Variants in FERMT2 observed in about 807,000 individuals in gnomAD.
The protein encoded by FERMT2 is FERM domain containing kindlin 2, also known as fermitin family homolog 2.
In FERMT2, 15 loss-of-function variants were observed where a neutral mutation model predicts 82.7. That is an observed-to-expected ratio of 0.18 (90% CI 0.12 to 0.28). The LOEUF is 0.28. FERMT2 is among the 10% of genes least tolerant of loss of function. The pLI is 1.00. For missense variants in FERMT2, 645 were observed against 809.4 expected (o/e 0.80, Z 2.46); for synonymous variants, 274 against 271.5 (o/e 1.01, Z -0.09).
At position 52,950,515 on chromosome 14, in the gene FERMT2, C is replaced by T; in HGVS notation, c.54G>A (p.Trp18Ter). The T allele has an allele frequency of 6.2e-7, 1 of 1,614,178 alleles. No individual in the cohort carries two copies. The highest frequency in any genetic ancestry group is 8.5e-7 in the Non-Finnish European group (1 of 1,180,006). ...GGTCCGTCACATGGACACTCAGTTC[C>T]CACGTCCCGTCCGCGTAGCAGCCAT... ...MPDGCYADGT[W>*]ELSVHVTDLN... The change falls in exon 2 of 15, where the codon TGG (tryptophan) becomes TGA (stop). Residue 18 changes from tryptophan to a stop codon, truncating the protein, a stop_gained. Coordinates refer to ENST00000341590, the MANE Select transcript of FERMT2 (RefSeq NM_006832.3). LOFTEE classifies it high-confidence loss of function.
chr14:52,909,854 A>G (rs1888214525), intron 3 of FERMT2, among the ~76,000 whole-genome samples: 1 of 152,104 alleles, frequency 6.6e-6, no homozygotes, highest in Non-Finnish European at 1.5e-5. Flanking sequence ...AGGGATCGAG[A>G]CCATCCTGGC....
chr14:52,950,371 C>A, intron 2 of FERMT2, 41 bp downstream of exon 2: 1 of 1,594,956 alleles, frequency 6.3e-7, no homozygotes. Context: ...CCTACCAATT[C>A]TGGGAAGTCA....
At chr14:52,867,875 G>A (rs557449355) in intron 10 of FERMT2, among the ~76,000 whole-genome samples, 12 of 152,050 alleles carry the variant, frequency 7.9e-5, no homozygotes, top group Admixed American at 1.3e-4. Context: ...AAGTCACCCA[G>A]ACTATTGACC....
chr14:52,886,148 A>C (rs1886589488), intron 4 of FERMT2, among the ~76,000 whole-genome samples: 1 of 152,232 alleles, frequency 6.6e-6, no homozygotes, highest in Non-Finnish European at 1.5e-5. Context: ...AAAATAACCG[A>C]GATACTACTT....
intron 3 of FERMT2, among the ~76,000 whole-genome samples, chr14:52,913,833 A>C (rs1354378975): frequency 6.6e-6 from 1 of 152,112 alleles, no homozygotes; most frequent in Non-Finnish European, 1.5e-5. Context: ...TGGAATGAAG[A>C]ATTAATGCAT....
intron 3 of FERMT2, among the ~76,000 whole-genome samples, chr14:52,904,734 T>G (rs935146093): frequency 7.2e-6 from 1 of 138,162 alleles, no homozygotes; most frequent in African/African-American, 2.7e-5. Flanking sequence ...CTGGGAAATA[T>G]GATGAGACCT....
At chr14:52,859,387 T>G in intron 14 of FERMT2, 186 bp downstream of exon 14, 2 of 519,592 alleles carry the variant, frequency 3.8e-6, no homozygotes, top group South Asian at 1.1e-4. Flanking sequence ...CACTTAGAAT[T>G]TTAGTAACTG....
chr14:52,859,598 C>T lies in FERMT2; in HGVS notation c.1844G>A (p.Trp615Ter). The change falls in exon 14 of 15, where the codon TGG becomes TAG. Residue 615 changes from tryptophan to a stop codon, truncating the protein, a stop_gained. Coordinates refer to ENST00000341590, the MANE Select transcript of FERMT2 (RefSeq NM_006832.3). LOFTEE classifies it high-confidence loss of function. ...KTWRFSNMKQ[W>*]NVNWEIKMVT... is the part of the protein sequence containing the mutation. ...CATTTTGATTTCCCAGTTGACATTC[C>T]ACTGTTTCATGTTGCTGAAACGCCA... The T allele has an allele frequency of 1.2e-6, 2 of 1,608,122 alleles. No homozygotes were observed. The highest frequency in any genetic ancestry group is 8.5e-7 in the Non-Finnish European group (1 of 1,176,772).
At chr14:52,893,224 C>A in intron 4 of FERMT2, 69 bp downstream of exon 4, 1 of 1,392,756 alleles carries the variant, frequency 7.2e-7, no homozygotes, top group South Asian at 1.7e-5. Context: ...CATTTACCCA[C>A]CACCAGAAAG....
At chr14:52,944,880 A>G (rs1890256685) in intron 2 of FERMT2, among the ~76,000 whole-genome samples, 3 of 152,198 alleles carry the variant, frequency 2.0e-5, no homozygotes, top group Admixed American at 1.3e-4. Context: ...CCACGTTCAG[A>G]AATATAATCC....
chr14:52,915,366 T>C (rs1356095357), intron 3 of FERMT2, among the ~76,000 whole-genome samples: 1 of 152,190 alleles, frequency 6.6e-6, no homozygotes, highest in Non-Finnish European at 1.5e-5. Flanking sequence ...CTCTATCAGA[T>C]ATAGAGATTT....
At chr14:52,936,024 C>A (rs945468668) in intron 2 of FERMT2, among the ~76,000 whole-genome samples, 4 of 152,160 alleles carry the variant, frequency 2.6e-5, no homozygotes, top group African/African-American at 9.7e-5. Flanking sequence ...ATCCTGAAGG[C>A]TGGCTTATTG....
chr14:52,866,433 C>T (rs1161352231), intron 10 of FERMT2, among the ~76,000 whole-genome samples: 1 of 152,184 alleles, frequency 6.6e-6, no homozygotes, highest in East Asian at 1.9e-4. Context: ...TCCCAACCAG[C>T]CTGGACCACA....
intron 2 of FERMT2, among the ~76,000 whole-genome samples, chr14:52,937,001 A>T (rs1329811369): frequency 6.6e-6 from 1 of 151,922 alleles, no homozygotes; most frequent in African/African-American, 2.4e-5. Flanking sequence ...CTAAAAAAAA[A>T]ATACAAAAAA....
intron 3 of FERMT2, among the ~76,000 whole-genome samples, chr14:52,908,057 A>G (rs1445019971): frequency 6.6e-6 from 1 of 152,216 alleles, no homozygotes; most frequent in Non-Finnish European, 1.5e-5. Flanking sequence ...CAGACACCTC[A>G]CCATTATATG....
intron 3 of FERMT2, among the ~76,000 whole-genome samples, chr14:52,912,831 G>A (rs1041252255): frequency 6.6e-6 from 1 of 152,012 alleles, no homozygotes; most frequent in African/African-American, 2.4e-5. Flanking sequence ...CTTTCCATTC[G>A]ATCCCAGTGA....
At chr14:52,916,269 G>A (rs193247384) in intron 3 of FERMT2, among the ~76,000 whole-genome samples, 11 of 151,864 alleles carry the variant, frequency 7.2e-5, no homozygotes, top group Admixed American at 3.9e-4. Flanking sequence ...GCTTGAACCC[G>A]GGAAGTGGAG....
chr14:52,913,712 GTAA>G (rs1459373639), intron 3 of FERMT2, among the ~76,000 whole-genome samples: 1 of 150,882 alleles, frequency 6.6e-6, no homozygotes, highest in Admixed American at 6.6e-5. Context: ...AGTAGTAGTA[GTAA>G]TGAAAGACCA....
At chr14:52,866,550 C>T (rs551894191) in intron 10 of FERMT2, among the ~76,000 whole-genome samples, 1 of 152,236 alleles carries the variant, frequency 6.6e-6, no homozygotes. Flanking sequence ...CTTTTCCTTG[C>T]CTATACTCAG....
Sources: allele counts gnomAD v4.1 joint callset (sites outside exome capture counted in the v4.1 genomes callset), GRCh38; gene constraint gnomAD v4.1.1; transcripts MANE v1.5; gene names NCBI Gene and HGNC (gene_info 2026-07-23, HGNC 2026-07-21).